The following ELAC2 variants were observed in gnomAD, a reference collection of about 807,000 sequenced individuals.
The protein encoded by ELAC2 is zinc phosphodiesterase ELAC protein 2.
A neutral mutation model predicts 105.2 loss-of-function variants in ELAC2; 92 were observed. That is an observed-to-expected ratio of 0.87 (90% CI 0.74 to 1.04). The LOEUF (loss-of-function observed/expected upper bound fraction) is 1.04. Among genes scored for constraint, ELAC2 ranks in the 50% least tolerant of loss-of-function variants. The pLI is 0.00. For synonymous variants in ELAC2, 468 were observed against 409.1 expected (o/e 1.14, Z -1.74); for missense variants, 1,099 against 1,071.7 (o/e 1.03, Z -0.36).
chr17:13,014,435 G>GT lies in ELAC2; in HGVS notation c.490+3dup. The stretch of plus-strand genomic sequence containing the variant: ...CAGAGGATGAGTCACAGACAAAGAC[G>GT]TACCCAGTTCTATTCCTTTCAATGG... On this transcript the variant is annotated splice_donor_region_variant and intron_variant, in intron 5 of 23. Coordinates refer to ENST00000338034, the MANE Select transcript of ELAC2 (RefSeq NM_018127.7). 1.9e-6 allele frequency: 3 copies of GT among 1,610,516 alleles called. No individual in the cohort carries two copies. Among genetic ancestry groups the GT allele is most frequent in the Non-Finnish European group, 2.5e-6 (3 of 1,176,772 alleles).
rs776190388 is a variant in ELAC2, at chr17:13,000,294, C to T, written c.1305-20G>A. ...GCATCCCTGCAGGAAGAGAGAGAAG[C>T]ATCTCAGGTGACGGACAGGGTATAT... On this transcript the variant is annotated intron_variant, in intron 14 of 23. Transcript: ENST00000338034. 2 of 1,606,634 alleles carry T rather than the reference C, an allele frequency of 1.2e-6. No homozygotes were observed. Among genetic ancestry groups the T allele is most frequent in the African/African-American group, 1.3e-5 (1 of 74,804 alleles).
At position 12,992,995 on chromosome 17, in the gene ELAC2, T is replaced by C. The variant is rs1567738547; in HGVS notation, c.2304A>G (p.Lys768=). The change falls in exon 24 of 24, where the codon AAA becomes AAG. Residue 768 remains lysine, a synonymous_variant. Coordinates refer to ENST00000338034, the MANE Select transcript of ELAC2 (RefSeq NM_018127.7). The stretch of plus-strand genomic sequence containing the variant: ...CCTCGATGTCGCCAGCAAACAGGGC[T>C]TTCAGTGGGGGAATCAGCTTGGGCA... ...PTMPKLIPPL[K]ALFAGDIEEM... 6.2e-7 allele frequency: 1 copy of C among 1,606,932 alleles called. No individual in the cohort carries two copies.
Position 12,996,527 on chromosome 17 carries a change from T to G in ELAC2, c.1659+20A>C, listed in dbSNP as rs770244642. 3 of 1,613,446 alleles carry G rather than the reference T, an allele frequency of 1.9e-6. No individual in the cohort carries two copies. In the African/African-American group the frequency reaches 4.0e-5, roughly 22 times the overall value. On this transcript the variant is annotated intron_variant, in intron 17 of 23. Transcript: ENST00000338034. ...GTGCCTCCTCCAGGCTCCAGCTTTG[T>G]GGTCCAGCCCAACACTCACCGTGTG...
At chr17:13,013,930 G>T (rs955131066) in intron 5 of ELAC2, among the ~76,000 whole-genome samples, 5 of 152,174 alleles carry the variant, frequency 3.3e-5, no homozygotes, top group African/African-American at 4.8e-5. Context: ...CATGTACACA[G>T]GCAGGCATCA....
rs1191661121 is a variant in ELAC2, at chr17:12,994,489, G to A, written c.2044C>T (p.Leu682Phe). The change falls in exon 22 of 24, where the codon CTC becomes TTC. Residue 682 changes from leucine to phenylalanine, a missense_variant. By Grantham distance (22) the Leu-to-Phe change is conservative. Coordinates refer to ENST00000338034, the MANE Select transcript of ELAC2 (RefSeq NM_018127.7). ...TCCAGGGTGGCTTCATGTATCAGGA[G>A]GGTGGCATCTTTCCCTGGAGAAGCA... ...ALVRMGKDAT[L>F]LIHEATLEDG... 2 of 1,614,078 alleles carry A rather than the reference G, an allele frequency of 1.2e-6. No individual in the cohort carries two copies. Among genetic ancestry groups the A allele is most frequent in the Non-Finnish European group, 1.7e-6 (2 of 1,180,048 alleles).
intron 16 of ELAC2, among the ~76,000 whole-genome samples, chr17:12,997,332 A>T (rs2040525222): frequency 6.6e-6 from 1 of 152,188 alleles, no homozygotes. Flanking sequence ...AGGCAGAGAG[A>T]GTGCTGACCC....
intron 11 of ELAC2, among the ~76,000 whole-genome samples, chr17:13,004,408 G>GT (rs1238981691): frequency 6.6e-6 from 1 of 152,204 alleles, no homozygotes; most frequent in Admixed American, 6.5e-5. Flanking sequence ...AAAAATACAG[G>GT]TAAACCATTA....
At chr17:13,015,658 G>T in intron 4 of ELAC2, 110 bp downstream of exon 4, 3 of 877,318 alleles carry the variant, frequency 3.4e-6, no homozygotes, top group South Asian at 2.8e-5. Context: ...GCGTTTCAAC[G>T]ACCAGGTATC....
chr17:12,995,443 G>A (rs541634907), intron 19 of ELAC2, among the ~76,000 whole-genome samples: 10 of 152,364 alleles, frequency 6.6e-5, no homozygotes, highest in Non-Finnish European at 1.5e-4. Flanking sequence ...AAGAAAAGCT[G>A]CTCGAAGTTT....
At chr17:13,011,115 A>C (rs1479066842) in intron 7 of ELAC2, among the ~76,000 whole-genome samples, 1 of 152,232 alleles carries the variant, frequency 6.6e-6, no homozygotes, top group Admixed American at 6.5e-5. Flanking sequence ...CAGTCACTAG[A>C]CAAGACCTCA....
rs1555572124 is a variant in ELAC2 at position 12,994,808 on chromosome 17, A to G, written c.1985T>C (p.Val662Ala). 2 of 1,614,040 alleles carry G rather than the reference A, an allele frequency of 1.2e-6. No homozygotes were observed. Among genetic ancestry groups the G allele is most frequent in the Non-Finnish European group, 1.7e-6 (2 of 1,180,038 alleles). ...ALVHTSGWKV[V>A]YSGDTMPCEA... is the part of the protein sequence containing the mutation. ...GCAGGGCATGGTGTCCCCGGAATAG[A>G]CCACTTTCCAGCCAGAGGTGTGCAC... Residue 662 changes from valine to alanine, a missense_variant, in exon 21 of 24, where the codon GTC becomes GCC. Coordinates refer to ENST00000338034, the MANE Select transcript of ELAC2 (RefSeq NM_018127.7).
chr17:13,005,084 C>G lies in ELAC2; in HGVS notation c.888G>C (p.Leu296=). The G allele has an allele frequency of 6.2e-7, 1 of 1,614,148 alleles. No individual in the cohort carries two copies. Among genetic ancestry groups the G allele is most frequent in the South Asian group, 1.1e-5 (1 of 91,090 alleles). ...CAGCACCAGGATCTGGAGGAGTACA[C>G]AGCTCTTCAGCCAAAATCTGCAAAA... ...HEGREILAEE[L]CTPPDPGAAF... is the part of the protein sequence containing the mutation. The change falls in exon 11 of 24, where the codon CTG becomes CTC. Residue 296 remains leucine, a synonymous_variant. Transcript: ENST00000338034.
In ELAC2 at chr17:12,992,199, A is replaced by G. The variant is rs2040217196; in HGVS notation, c.*619T>C. ...GAGCTGGCACAGCTCGAGTTGTCAA[A>G]AAGACTTGGCGAATAAGGGTGGCTC... On this transcript the variant is annotated 3_prime_UTR_variant, in exon 24 of 24. Coordinates refer to ENST00000338034, the MANE Select transcript of ELAC2 (RefSeq NM_018127.7). Among the ~76,000 whole-genome samples, 2 of 151,722 alleles carry G rather than the reference A, an allele frequency of 1.3e-5. No individual in the cohort carries two copies. Among genetic ancestry groups the G allele is most frequent in the Non-Finnish European group, 2.9e-5 (2 of 68,030 alleles).
In ELAC2 at chr17:13,010,542, G is replaced by C. The variant is rs576627956; in HGVS notation, c.738+71C>G. 58 of 1,440,654 alleles carry C rather than the reference G, an allele frequency of 4.0e-5. No homozygotes were observed. In the East Asian group the frequency reaches 1.2e-3, roughly 30 times the overall value. The allele number at this position is 1,440,654 out of a possible 1,614,324, so 89.2% of individuals were successfully genotyped here. A position where few individuals can be genotyped will look rare whatever the true frequency, so the allele number is the denominator to read the frequency against. The stretch of plus-strand genomic sequence containing the variant: ...CAGGAGTGCCTACCCTCAAATTAAT[G>C]AAAAAGTGCAAACCAGAGGTCGCTG... On this transcript the variant is annotated intron_variant, in intron 8 of 23. Transcript: ENST00000338034.
intron 17 of ELAC2, 31 bp downstream of exon 17, chr17:12,996,516 C>T (rs1242995245): frequency 7.4e-6 from 12 of 1,613,358 alleles, no homozygotes; most frequent in Middle Eastern, 1.6e-4. Context: ...CTCCTCCAGG[C>T]TCCAGCTTTG....
Position 12,993,811 on chromosome 17 carries a change from C to T in ELAC2, c.2129G>A (p.Ser710Asn). Residue 710 changes from serine (S) to asparagine (N), a missense_variant, in exon 23 of 24, where the codon AGC becomes AAC. Coordinates refer to ENST00000338034, the MANE Select transcript of ELAC2 (RefSeq NM_018127.7). ...CTCCGCGTTCATCCGCATCCCCACG[C>T]TGATGGCTTGGGACGTTGTGCTGCA... is the stretch of plus-strand genomic sequence containing the variant. The part of the protein sequence containing the change: ...KTHSTTSQAI[S>N]VGMRMNAEFI... 6.2e-7 allele frequency: 1 copy of T among 1,614,218 alleles called. No individual in the cohort carries two copies. The highest frequency in any genetic ancestry group is 1.1e-5 in the South Asian group (1 of 91,084).
rs1213368617 is a variant in ELAC2, at chr17:13,005,726, C to T, written c.870+27G>A. ...GCATTTCAGACCCTACCTGTAACTG[C>T]TGAATCAAGAAAACCAGGCATCTCA... On this transcript the variant is annotated intron_variant, in intron 10 of 23. Coordinates refer to ENST00000338034, the MANE Select transcript of ELAC2 (RefSeq NM_018127.7). 8 of 1,495,150 alleles carry T rather than the reference C, an allele frequency of 5.4e-6. No individual in the cohort carries two copies. The Admixed American group carries it at 1.4e-4, about 26-fold the overall frequency. 92.6% of individuals were successfully genotyped at this position (1,495,150 alleles called of 1,614,324 possible). A position where few individuals can be genotyped will look rare whatever the true frequency, so the allele number is the denominator to read the frequency against.
At chr17:13,005,590 A>AC (rs2041055257) in intron 10 of ELAC2, among the ~76,000 whole-genome samples, 163 bp downstream of exon 10, 1 of 152,332 alleles carries the variant, frequency 6.6e-6, no homozygotes, top group South Asian at 2.1e-4. Context: ...GACATGCGGG[A>AC]CAAACACAGA....
chr17:12,998,725 G>GT (rs1323599301), intron 15 of ELAC2, among the ~76,000 whole-genome samples: 6 of 152,288 alleles, frequency 3.9e-5, no homozygotes, highest in Non-Finnish European at 7.4e-5. Flanking sequence ...AGCTGCAGTA[G>GT]TAAGTACTGG....
Sources: gnomAD v4.1 joint callset for allele counts (sites outside exome capture counted in the v4.1 genomes callset) on GRCh38, gnomAD v4.1.1 for gene constraint, MANE v1.5 for transcripts, NCBI Gene and HGNC (gene_info 2026-07-23, HGNC 2026-07-21) for gene names.